Variants in FBN3 observed in about 807,000 individuals in gnomAD.
FBN3 encodes fibrillin 3.
FBN3 carries 234 observed loss-of-function variants against 330.1 expected under a neutral mutation model. The ratio of observed to expected loss-of-function variants is 0.71; its 90% CI spans 0.64 to 0.79. The LOEUF (loss-of-function observed/expected upper bound fraction) is 0.79, where lower values mean the gene tolerates loss of function less well. Among genes scored for constraint, FBN3 ranks in the 30% least tolerant of loss-of-function variants. FBN3 has a pLI of 0.00. For missense variants in FBN3, 3,606 were observed against 3,886.9 expected, an observed-to-expected ratio of 0.93 and a Z score of 1.92; for synonymous variants, 1,458 against 1,517.3, an observed-to-expected ratio of 0.96 and a Z score of 0.91.
intron 34 of FBN3, 143 bp downstream of exon 34, chr19:8,110,702 C>G: frequency 1.9e-6 from 2 of 1,080,010 alleles, no homozygotes; most frequent in Non-Finnish European, 2.7e-6. Context: ...ATGGGGACAT[C>G]AGGCAAGGCG....
chr19:8,133,193 C>G (rs1336178729), intron 13 of FBN3, 87 bp from the exon 14 acceptor site: 1 of 1,445,988 alleles, frequency 6.9e-7, no homozygotes, highest in Non-Finnish European at 9.2e-7. Flanking sequence ...GCTGACCCCC[C>G]AGGATCCCTC....
intron 8 of FBN3, among the ~76,000 whole-genome samples, chr19:8,139,636 G>GC (rs1400452137): frequency 2.0e-5 from 3 of 151,860 alleles, no homozygotes; most frequent in African/African-American, 7.3e-5. Context: ...AGGAGTCGAG[G>GC]GGTGGATTGA....
intron 24 of FBN3, among the ~76,000 whole-genome samples, chr19:8,122,314 C>T (rs1182798272): frequency 6.6e-6 from 1 of 152,116 alleles, no homozygotes; most frequent in Admixed American, 6.5e-5. Context: ...CCATGCTGGC[C>T]CTGGAGGCCT....
intron 37 of FBN3, among the ~76,000 whole-genome samples, chr19:8,106,469 A>G (rs750952222): frequency 6.6e-6 from 1 of 152,186 alleles, no homozygotes; most frequent in Non-Finnish European, 1.5e-5. Flanking sequence ...CCCATCCACC[A>G]CATAGTTTCC....
rs775783136 is a variant in FBN3, at chr19:8,133,149, T to G, written c.1592-43A>C. On this transcript the variant is annotated intron_variant, in intron 13 of 63. Coordinates refer to ENST00000600128, the MANE Select transcript of FBN3 (RefSeq NM_032447.5). The stretch of plus-strand genomic sequence containing the variant: ...GGCTGGGTCCAGGCAGGGACCACAC[T>G]GGGACCCTCTCTCTCCCTCCTCCAG... The G allele has an allele frequency of 3.9e-6, 6 of 1,526,324 alleles. No individual in the cohort carries two copies. The South Asian group carries it at 7.3e-5, about 19-fold the overall frequency. The allele number at this position is 1,526,324 out of a possible 1,614,324, so 94.5% of individuals were successfully genotyped here.
In FBN3 at chr19:8,131,979, T is replaced by C. The variant is rs2083160557; in HGVS notation, c.1715-150A>G. The C allele has an allele frequency of 1.2e-6, 1 of 841,786 alleles. No homozygotes were observed. Among genetic ancestry groups the C allele is most frequent in the Admixed American group, 3.3e-5 (1 of 30,282 alleles). The allele number at this position is 841,786 out of a possible 1,614,324, so 52.1% of individuals were successfully genotyped here. ...TCCAGTTTCCTGTTGTCTGTGTCTCTGTCCTCTCCTCCTCTTGTCTCCTTC... is the reference window on the plus strand; with the variant it reads ...TCCAGTTTCCTGTTGTCTGTGTCTCCGTCCTCTCCTCCTCTTGTCTCCTTC... On this transcript the variant is annotated intron_variant, in intron 14 of 63. Coordinates refer to ENST00000600128, the MANE Select transcript of FBN3 (RefSeq NM_032447.5). This position sits in a 1 kb window ranked among gnomAD's most constrained non-coding sequence, Gnocchi z 4.5.
chr19:8,135,936 G>GGGGGCCCCCCCCCCCCCCC, intron 13 of FBN3, 25 bp downstream of exon 13: 1 of 668,772 alleles, frequency 1.5e-6, no homozygotes, highest in Non-Finnish European at 2.4e-6. Context: ...GGAAGCCCCT[G>GGGGGCCCCCCCCCCCCCCC]CCCACCCGCC....
rs200700867 is a variant in FBN3 at position 8,081,051 on chromosome 19, T to C, written c.7405A>G (p.Thr2469Ala). ...FLCVNTVGAF[T>A]CRCPPGFTQH... ...GTGAAGCCGGGCGGACAGCGGCAGG[T>C]GAAGGCGCCCACAGTGTTGACACAG... The change falls in exon 59 of 64, where the codon ACC becomes GCC. Residue 2469 changes from threonine to alanine, a missense_variant. Physicochemically the swap from Thr to Ala is moderately conservative, Grantham distance 58. Coordinates refer to ENST00000600128, the MANE Select transcript of FBN3 (RefSeq NM_032447.5). 2.5e-6 allele frequency: 4 copies of C among 1,608,176 alleles called. No individual in the cohort carries two copies. The highest frequency in any genetic ancestry group is 3.4e-5 in the Admixed American group (2 of 59,172).
At position 8,115,501 on chromosome 19, in the gene FBN3, GACCGCCGGCTC is replaced by G; in HGVS notation, c.3838+3_3838+13del. The G allele has an allele frequency of 6.2e-7, 1 of 1,613,060 alleles. No individual in the cohort carries two copies. Among genetic ancestry groups the G allele is most frequent in the Non-Finnish European group, 8.5e-7 (1 of 1,179,930 alleles). On this transcript the variant is annotated splice_donor_5th_base_variant and intron_variant, in intron 30 of 63. Transcript: ENST00000600128. ...GGGAGTCCCCTCTGCCTGCACCGCT[GACCGCCGGCTC>G]ACCAGAGCAGCCTGTGGCCCCCTTC...
rs1346748976 is a variant in FBN3 at position 8,116,696 on chromosome 19, C to T, written c.3690G>A (p.Thr1230=). 41 of 1,613,842 alleles carry T rather than the reference C, an allele frequency of 2.5e-5. No homozygotes were observed. The highest frequency in any genetic ancestry group is 1.1e-4 in the East Asian group (5 of 44,888). The change falls in exon 29 of 64, where the codon ACG becomes ACA. Residue 1230 remains threonine (T), a synonymous_variant. Coordinates refer to ENST00000600128, the MANE Select transcript of FBN3 (RefSeq NM_032447.5). ...CACCAACACATGTCCTCATGTCTGG[C>T]GTGGCCATGAAGCCATCATAGCACA... ...RCLCYDGFMA[T]PDMRTCVDVD... is the part of the protein sequence containing the mutation.
At chr19:8,095,916 A>G (rs1468370907) in intron 45 of FBN3, 48 bp downstream of exon 45, 1 of 1,227,536 alleles carries the variant, frequency 8.1e-7, no homozygotes, top group African/African-American at 1.5e-5. Flanking sequence ...ACTTCCTTAG[A>G]TTCTGAGAAC....
At position 8,090,109 on chromosome 19, in the gene FBN3, C is replaced by CT; in HGVS notation, c.6173dup (p.Glu2059GlyfsTer22). On this transcript the variant is annotated frameshift_variant, in exon 49 of 64. Transcript: ENST00000600128. LOFTEE classifies it high-confidence loss of function. ...GGGGTGGGCACTCACCGCTGCCCTC[C>CT]TGGGGACACAGTTCGCAGGGGTCTC... is the stretch of plus-strand genomic sequence containing the variant. 1 of 1,613,728 alleles carries CT rather than the reference C, an allele frequency of 6.2e-7. No homozygotes were observed. Among genetic ancestry groups the CT allele is most frequent in the South Asian group, 1.1e-5 (1 of 91,050 alleles).
At chr19:8,135,935 T>TGGGGGGGGGGGGGGGGGGGGGGCG in intron 13 of FBN3, 26 bp downstream of exon 13, 1 of 1,344,156 alleles carries the variant, frequency 7.4e-7, no homozygotes, top group Non-Finnish European at 1.0e-6. Context: ...CGGAAGCCCC[T>TGGGGGGGGGGGGGGGGGGGGGGCG]GCCCACCCGC....
rs778352400 is a variant in FBN3 at position 8,110,884 on chromosome 19, C to T, written c.4294G>A (p.Gly1432Ser). The T allele has an allele frequency of 1.8e-5, 29 of 1,614,146 alleles. No homozygotes were observed. Among genetic ancestry groups the T allele is most frequent in the Non-Finnish European group, 2.4e-5 (28 of 1,180,060 alleles). The change falls in exon 34 of 64, where the codon GGT becomes AGT. Residue 1432 changes from glycine to serine, a missense_variant. Coordinates refer to ENST00000600128, the MANE Select transcript of FBN3 (RefSeq NM_032447.5). ...LPGMFRCICNGGYELDRGGGN... is the reference protein window; with the variant it reads ...LPGMFRCICNSGYELDRGGGN... ...CCCCCTCGGTCCAGTTCGTAGCCAC[C>T]ATTGCAGATGCAGCGGAACATTCCA... is the stretch of plus-strand genomic sequence containing the variant.
At chr19:8,081,161 T>G in intron 58 of FBN3, 42 bp from the exon 59 acceptor site, 1 of 1,572,948 alleles carries the variant, frequency 6.4e-7, no homozygotes, top group South Asian at 1.1e-5. Flanking sequence ...CAGGGCCCAG[T>G]GGGGGATTAG....
chr19:8,067,510 A>G (rs1323169215), intron 63 of FBN3, among the ~76,000 whole-genome samples: 1 of 152,126 alleles, frequency 6.6e-6, no homozygotes, highest in Middle Eastern at 3.2e-3. Flanking sequence ...ACTGGTGTGC[A>G]CCTGTAGTCC....
intron 59 of FBN3, among the ~76,000 whole-genome samples, chr19:8,076,135 C>G (rs2081633501): frequency 6.6e-6 from 1 of 152,088 alleles, no homozygotes; most frequent in Non-Finnish European, 1.5e-5. Flanking sequence ...GAAGAGAGCC[C>G]TCACAGAACC....
At chr19:8,127,018 C>G (rs1450326302) in intron 18 of FBN3, among the ~76,000 whole-genome samples, 186 bp from the exon 19 acceptor site, 1 of 150,416 alleles carries the variant, frequency 6.6e-6, no homozygotes, top group Non-Finnish European at 1.5e-5. Flanking sequence ...TGTGTGTGTA[C>G]ATGCTGTAAG....
rs746167239 is a variant in FBN3 at position 8,097,412 on chromosome 19, T to C, written c.5164A>G (p.Ile1722Val). 3.1e-6 allele frequency: 5 copies of C among 1,590,386 alleles called. No individual in the cohort carries two copies. The Admixed American group carries it at 6.7e-5, about 21-fold the overall frequency. Residue 1722 changes from isoleucine (I) to valine (V), a missense_variant and splice_region_variant, in exon 42 of 64, where the codon ATT becomes GTT. Ile to Val is a conservative substitution (Grantham distance 29, BLOSUM62 3). Coordinates refer to ENST00000600128, the MANE Select transcript of FBN3 (RefSeq NM_032447.5). The part of the protein sequence containing the change: ...TDIHTGKPLD[I>V]DECGEIPAIC... ...GCGGGGATCTCCCCACACTCATCAATGTCTGCAGAAGGCATCTGCCATCAG... is the reference window on the plus strand; with the variant it reads ...GCGGGGATCTCCCCACACTCATCAACGTCTGCAGAAGGCATCTGCCATCAG...
Sources: allele counts gnomAD v4.1 joint callset (sites outside exome capture counted in the v4.1 genomes callset), GRCh38; gene constraint gnomAD v4.1.1; non-coding constraint Gnocchi (gnomAD v3.1); transcripts MANE v1.5; gene names NCBI Gene and HGNC (gene_info 2026-07-23, HGNC 2026-07-21).